Variants in DCAF7 observed in about 807,000 individuals in gnomAD.
DCAF7 encodes DDB1 and CUL4 associated factor 7.
DCAF7 carries 4 observed loss-of-function variants against 41.2 expected under a neutral mutation model. That is an observed-to-expected ratio of 0.10 (90% CI 0.05 to 0.22). The LOEUF (loss-of-function observed/expected upper bound fraction) is 0.22. Ranked by LOEUF, DCAF7 falls within the 10% of genes least tolerant of loss-of-function variation. The probability of loss-of-function intolerance (pLI) is 1.00; values close to 1 mark genes in which losing one functional copy is unlikely to be tolerated. For missense variants in DCAF7, 131 were observed against 443.2 expected (o/e 0.30, Z 6.32); for synonymous variants, 143 against 164.2 (o/e 0.87, Z 0.99).
chr17:63,573,731 A>C (rs1332587812), intron 1 of DCAF7, among the ~76,000 whole-genome samples: 1 of 130,798 alleles, frequency 7.6e-6, no homozygotes, highest in Admixed American at 7.3e-5. Flanking sequence ...AATCCGTCTC[A>C]AAAAAAAAAA....
chr17:63,562,831 T>C (rs1414512003), intron 1 of DCAF7, among the ~76,000 whole-genome samples: 1 of 151,526 alleles, frequency 6.6e-6, no homozygotes, highest in Non-Finnish European at 1.5e-5. Flanking sequence ...TCTTTTTTTT[T>C]TTTTTCTTTT....
chr17:63,567,135 C>T (rs917229791), intron 1 of DCAF7, among the ~76,000 whole-genome samples: 1 of 152,000 alleles, frequency 6.6e-6, no homozygotes, highest in Non-Finnish European at 1.5e-5. Flanking sequence ...AAAGAAAAAA[C>T]CACACACAAA....
At chr17:63,577,080 C>A (rs1035610843) in intron 1 of DCAF7, among the ~76,000 whole-genome samples, 1 of 152,134 alleles carries the variant, frequency 6.6e-6, no homozygotes, top group Non-Finnish European at 1.5e-5. Context: ...CTATTTATAT[C>A]GTATTATGGA....
chr17:63,554,445 C>T (rs775725319), intron 1 of DCAF7, among the ~76,000 whole-genome samples: 25 of 152,238 alleles, frequency 1.6e-4, no homozygotes, highest in Admixed American at 7.9e-4. Context: ...CTGGAGCTGC[C>T]TTGGCATCTG....
chr17:63,579,593 G>C, intron 3 of DCAF7, 145 bp downstream of exon 3: 1 of 694,294 alleles, frequency 1.4e-6, no homozygotes, highest in Non-Finnish European at 2.4e-6. Flanking sequence ...ATTCCTTTGT[G>C]TGGGTGAGCT....
chr17:63,566,569 ATG>A (rs1473003817), intron 1 of DCAF7, among the ~76,000 whole-genome samples: 2 of 152,214 alleles, frequency 1.3e-5, no homozygotes, highest in Admixed American at 6.5e-5. Flanking sequence ...CTATAGAAGA[ATG>A]AGGGAAAGGA....
chr17:63,559,345 ATACGTATATATATG>A lies in DCAF7; in HGVS notation c.138+8533_138+8546del, dbSNP rs2033346617. ...TGTATATATATATACATACATATAT[ATACGTATATATATG>A]TATGTATATATATATGTGTATATAT... On this transcript the variant is annotated intron_variant, in intron 1 of 6. Transcript: ENST00000614556. Among the ~76,000 whole-genome samples, 16 of 134,322 alleles carry A rather than the reference ATACGTATATATATG, an allele frequency of 1.2e-4. 1 individual carries two copies. Among genetic ancestry groups the A allele is most frequent in the African/African-American group, 4.9e-4 (16 of 32,940 alleles). 88.1% of individuals were successfully genotyped at this position (134,322 alleles called of 152,430 possible).
At chr17:63,579,307 T>C (rs775045212) in intron 2 of DCAF7, 30 bp from the exon 3 acceptor site, 1 of 1,503,102 alleles carries the variant, frequency 6.7e-7, no homozygotes, top group Non-Finnish European at 9.1e-7. Flanking sequence ...TAAGACTGGC[T>C]GATTTTTTTT....
intron 1 of DCAF7, among the ~76,000 whole-genome samples, chr17:63,562,539 TTTATTATTA>T (rs567879311): frequency 8.6e-5 from 13 of 151,348 alleles, no homozygotes; most frequent in African/African-American, 3.2e-4. Context: ...TTTTTTATTT[TTTATTATTA>T]TTATTATACT....
At chr17:63,581,686 G>A (rs2033624427) in intron 4 of DCAF7, among the ~76,000 whole-genome samples, 1 of 152,250 alleles carries the variant, frequency 6.6e-6, no homozygotes, top group African/African-American at 2.4e-5. Context: ...AGAGCAGGGA[G>A]AAAGGCCAGG....
intron 6 of DCAF7, among the ~76,000 whole-genome samples, chr17:63,587,916 G>A (rs1361995525): frequency 6.6e-6 from 1 of 150,596 alleles, no homozygotes; most frequent in African/African-American, 2.4e-5. Flanking sequence ...AACCTGGGAG[G>A]CTTTGGTTGC....
intron 1 of DCAF7, among the ~76,000 whole-genome samples, chr17:63,574,715 G>A (rs2033542853): frequency 6.6e-6 from 1 of 152,226 alleles, no homozygotes; most frequent in Admixed American, 6.5e-5. Context: ...GCTCATATGT[G>A]TAAGCCCAGC....
chr17:63,559,362 T>TATACATATATATATAC, intron 1 of DCAF7, among the ~76,000 whole-genome samples: 1 of 120,342 alleles, frequency 8.3e-6, no homozygotes, highest in Non-Finnish European at 1.7e-5. Flanking sequence ...TATATATGTA[T>TATACATATATATATAC]GTATATATAT....
At position 63,582,422 on chromosome 17, in the gene DCAF7, C is replaced by T. The variant is rs1459593175; in HGVS notation, c.529-1080C>T. Among the ~76,000 whole-genome samples the T allele has an allele frequency of 2.6e-5, 4 of 151,176 alleles. No homozygotes were observed. The East Asian group carries it at 7.8e-4, about 29-fold the overall frequency. On this transcript the variant is annotated intron_variant, in intron 4 of 6. Transcript: ENST00000614556. ...TTGTTTGGCATTAGTTTTTCTGTTT[C>T]TCTCTCTATTTGTCTGTCTCTGGCT...
Position 63,589,499 on chromosome 17 carries a change from T to G in DCAF7, c.*327T>G, listed in dbSNP as rs968576787. 1 of 376,682 alleles carries G rather than the reference T, an allele frequency of 2.7e-6. No individual in the cohort carries two copies. Among genetic ancestry groups the G allele is most frequent in the Admixed American group, 3.7e-5 (1 of 26,802 alleles). The allele number at this position is 376,682 out of a possible 1,614,324, so 23.3% of individuals were successfully genotyped here. A position where few individuals can be genotyped will look rare whatever the true frequency, so the allele number is the denominator to read the frequency against. On this transcript the variant is annotated 3_prime_UTR_variant, in exon 7 of 7. Transcript: ENST00000614556. ...TGAGGAGCAGTTCACGCACTGGCTG[T>G]GTCTATTCCTCTGCCCAGGTGTCTC...
At position 63,591,735 on chromosome 17, in the gene DCAF7, G is replaced by A. The variant is rs1259687285; in HGVS notation, c.*2563G>A. 1 of 152,266 alleles carries A rather than the reference G, an allele frequency of 6.6e-6. No homozygotes were observed. Among genetic ancestry groups the A allele is most frequent in the Non-Finnish European group, 1.5e-5 (1 of 68,080 alleles). The allele number at this position is 152,266 out of a possible 1,614,324, so 9.4% of individuals were successfully genotyped here. A position where few individuals can be genotyped will look rare whatever the true frequency, so the allele number is the denominator to read the frequency against. On this transcript the variant is annotated 3_prime_UTR_variant, in exon 7 of 7. Coordinates refer to ENST00000614556, the MANE Select transcript of DCAF7 (RefSeq NM_005828.5). Reference sequence around the variant, plus strand: ...TGCAAAAACAACTCTGTAATTTGTTGAGGTTCTCAAACTGACAGCCAGCGA... The same window carrying A: ...TGCAAAAACAACTCTGTAATTTGTTAAGGTTCTCAAACTGACAGCCAGCGA...
In DCAF7 at chr17:63,550,618, G is replaced by T; in HGVS notation, c.-60G>T. ...CTTCGGACCCATAGATCTCAGGCTC[G>T]GCTCCCCGCCCGCCGCAGCCCACTG... On this transcript the variant is annotated 5_prime_UTR_variant, in exon 1 of 7. Coordinates refer to ENST00000614556, the MANE Select transcript of DCAF7 (RefSeq NM_005828.5). The surrounding 1 kb of genome is among the most constrained non-coding windows in gnomAD (Gnocchi z 4.8). 2 of 1,593,488 alleles carry T rather than the reference G, an allele frequency of 1.3e-6. No homozygotes were observed.
intron 2 of DCAF7, 46 bp from the exon 3 acceptor site, chr17:63,579,291 T>A (rs1353445424): frequency 7.5e-7 from 1 of 1,325,076 alleles, no homozygotes; most frequent in African/African-American, 1.5e-5. Context: ...AGACTTTTTA[T>A]GAGGATAAGA....
chr17:63,566,709 C>T (rs554043691), intron 1 of DCAF7, among the ~76,000 whole-genome samples: 3 of 152,020 alleles, frequency 2.0e-5, no homozygotes, highest in Non-Finnish European at 2.9e-5. Context: ...TTGTTTGAGC[C>T]CAGGAGTTCG....
Sources: gnomAD v4.1 joint callset for allele counts (sites outside exome capture counted in the v4.1 genomes callset) on GRCh38, gnomAD v4.1.1 for gene constraint, Gnocchi (gnomAD v3.1) non-coding constraint, MANE v1.5 for transcripts, NCBI Gene and HGNC (gene_info 2026-07-23, HGNC 2026-07-21) for gene names.